The following SDF2L1 variants were observed in gnomAD, a reference collection of about 807,000 sequenced individuals.
SDF2L1 encodes the protein stromal cell-derived factor 2-like protein 1.
A neutral mutation model predicts 19.4 loss-of-function variants in SDF2L1; 18 were observed. That is an observed-to-expected ratio of 0.93 (90% CI 0.64 to 1.38). The LOEUF is 1.38. SDF2L1 is among the 40% of genes most tolerant of loss of function. The pLI, the probability that SDF2L1 is intolerant of heterozygous loss-of-function variation, is 0.00. For synonymous variants in SDF2L1, 161 were observed against 148.9 expected (o/e 1.08, Z -0.59); for missense variants, 263 against 319.4 (o/e 0.82, Z 1.35).
chr22:21,643,493 G>A (rs1159734617), intron 2 of SDF2L1, among the ~76,000 whole-genome samples: 3 of 152,222 alleles, frequency 2.0e-5, no homozygotes, highest in African/African-American at 7.2e-5. Flanking sequence ...GAGGTCATTG[G>A]AATTCAGGGG....
chr22:21,643,871 C>G, intron 2 of SDF2L1, 23 bp from the exon 3 acceptor site: 1 of 1,601,854 alleles, frequency 6.2e-7, no homozygotes, highest in Non-Finnish European at 8.5e-7. Flanking sequence ...TGACCACTGT[C>G]TTCTCATCCT....
Position 21,642,913 on chromosome 22 carries a change from G to C in SDF2L1, c.239G>C (p.Ser80Thr). Residue 80 changes from serine (S) to threonine (T), a missense_variant, in exon 2 of 3, where the codon AGC becomes ACC. By Grantham distance (58) the Ser-to-Thr change is moderately conservative (BLOSUM62 1). Around this residue, in one of 3 missense-constraint regions of SDF2L1, gnomAD observed 203 missense variants for 256.9 expected, o/e 0.79. Transcript: ENST00000248958. The part of the protein sequence containing the change: ...TGVEASDDAN[S>T]YWRIRGGSEG... The stretch of plus-strand genomic sequence containing the variant: ...GTAGAGGCGTCGGACGACGCCAATA[G>C]CTACTGGCGGATCCGCGGCGGCTCG... 1 of 1,591,612 alleles carries C rather than the reference G, an allele frequency of 6.3e-7. No individual in the cohort carries two copies.
At chr22:21,643,449 C>G (rs1280899548) in intron 2 of SDF2L1, among the ~76,000 whole-genome samples, 2 of 152,142 alleles carry the variant, frequency 1.3e-5, no homozygotes, top group South Asian at 4.1e-4. Context: ...AGAGAGACTT[C>G]CCAGGCCAGC....
In SDF2L1 at chr22:21,642,995, G is replaced by C. The variant is rs1323111442; in HGVS notation, c.321G>C (p.Thr107=). 6.4e-7 allele frequency: 1 copy of C among 1,565,846 alleles called. No homozygotes were observed. Among genetic ancestry groups the C allele is most frequent in the African/African-American group, 1.4e-5 (1 of 73,822 alleles). ...PVRCGQAVRL[T]HVLTGKNLHT... ...GCTGCGGGCAGGCGGTGAGGCTCAC[G>C]CATGTGCTTACGGGCAAGAACCTGC... The change falls in exon 2 of 3, where the codon ACG becomes ACC. Residue 107 remains threonine, a synonymous_variant. Coordinates refer to ENST00000248958, the MANE Select transcript of SDF2L1 (RefSeq NM_022044.3).
intron 2 of SDF2L1, 79 bp from the exon 3 acceptor site, chr22:21,643,815 A>G (rs1307178980): frequency 5.0e-5 from 72 of 1,433,132 alleles, no homozygotes; most frequent in Non-Finnish European, 2.8e-5. Context: ...AGGGTAGGGA[A>G]GAACCCGAGG....
At chr22:21,643,180 GT>G in intron 2 of SDF2L1, 122 bp downstream of exon 2, 1 of 1,223,168 alleles carries the variant, frequency 8.2e-7, no homozygotes, top group South Asian at 1.5e-5. Flanking sequence ...TTCAGAGATG[GT>G]TACTGAGCGC....
In SDF2L1 at chr22:21,644,097, G is replaced by A. The variant is rs750880176; in HGVS notation, c.588G>A (p.Thr196=). The A allele has an allele frequency of 1.5e-5, 24 of 1,614,022 alleles. No homozygotes were observed. The highest frequency in any genetic ancestry group is 1.0e-4 in the Admixed American group (6 of 59,996). Residue 196 remains threonine, a synonymous_variant, in exon 3 of 3, where the codon ACG becomes ACA. Coordinates refer to ENST00000248958, the MANE Select transcript of SDF2L1 (RefSeq NM_022044.3). ...TCCACGGCATGCCCAGTGCCAACACGCACAATACGTGGAAGGCCATGGAAG... is the reference window on the plus strand; with the variant it reads ...TCCACGGCATGCCCAGTGCCAACACACACAATACGTGGAAGGCCATGGAAG... The part of the protein sequence containing the change: ...HEVHGMPSAN[T]HNTWKAMEGI...
In SDF2L1 at chr22:21,642,396, G is replaced by A; in HGVS notation, c.60G>A (p.Ala20=). 6.9e-7 allele frequency: 1 copy of A among 1,448,288 alleles called. No homozygotes were observed. The highest frequency in any genetic ancestry group is 9.0e-7 in the Non-Finnish European group (1 of 1,110,702). 89.7% of individuals were successfully genotyped at this position (1,448,288 alleles called of 1,614,324 possible). A position where few individuals can be genotyped will look rare whatever the true frequency, so the allele number is the denominator to read the frequency against. ...CGGTGCTGTTGGGGCTGCTGCTGGC[G>A]CTGTTAGTGCCGGGCGGTGGTGCCG... ...AWPVLLGLLL[A]LLVPGGGAAK... is the part of the protein sequence containing the mutation. Residue 20 remains alanine (A), a synonymous_variant, in exon 1 of 3, where the codon GCG becomes GCA. Coordinates refer to ENST00000248958, the MANE Select transcript of SDF2L1 (RefSeq NM_022044.3).
At position 21,644,105 on chromosome 22, in the gene SDF2L1, C is replaced by T. The variant is rs371328084; in HGVS notation, c.596C>T (p.Thr199Met). Residue 199 changes from threonine (T) to methionine (M), a missense_variant, in exon 3 of 3, where the codon ACG (threonine) becomes ATG (methionine). This residue lies in a region of SDF2L1 where 203 missense variants were observed against 256.9 expected (regional missense o/e 0.79). Coordinates refer to ENST00000248958, the MANE Select transcript of SDF2L1 (RefSeq NM_022044.3). The stretch of plus-strand genomic sequence containing the variant: ...ATGCCCAGTGCCAACACGCACAATA[C>T]GTGGAAGGCCATGGAAGGCATCTTC... ...HGMPSANTHN[T>M]WKAMEGIFIK... The T allele has an allele frequency of 7.4e-6, 12 of 1,614,148 alleles. No homozygotes were observed. The highest frequency in any genetic ancestry group is 1.3e-5 in the African/African-American group (1 of 75,020).
At chr22:21,643,170 T>G (rs2066094655) in intron 2 of SDF2L1, 112 bp downstream of exon 2, 1 of 1,311,344 alleles carries the variant, frequency 7.6e-7, no homozygotes. Context: ...GAAATTTCAC[T>G]TCAGAGATGG....
intron 1 of SDF2L1, 22 bp downstream of exon 1, chr22:21,642,545 G>T: frequency 6.6e-7 from 1 of 1,508,914 alleles, no homozygotes. Flanking sequence ...CAGCGACTGG[G>T]AGAGCGCGGG....
chr22:21,642,952 C>T lies in SDF2L1; in HGVS notation c.278C>T (p.Pro93Leu), dbSNP rs2066092147. 4 of 1,572,296 alleles carry T rather than the reference C, an allele frequency of 2.5e-6. No individual in the cohort carries two copies. Among genetic ancestry groups the T allele is most frequent in the Non-Finnish European group, 3.4e-6 (4 of 1,160,820 alleles). Residue 93 changes from proline to leucine, a missense_variant, in exon 2 of 3, where the codon CCG (proline) becomes CTG (leucine). By Grantham distance (98) the Pro-to-Leu change is moderately conservative (BLOSUM62 -3). This residue lies in a region of SDF2L1 where 203 missense variants were observed against 256.9 expected (regional missense o/e 0.79). Coordinates refer to ENST00000248958, the MANE Select transcript of SDF2L1 (RefSeq NM_022044.3). ...CGCGGCGGCTCGGAGGGCGGGTGCCCGCGCGGGTCCCCGGTGCGCTGCGGG... is the reference window on the plus strand; with the variant it reads ...CGCGGCGGCTCGGAGGGCGGGTGCCTGCGCGGGTCCCCGGTGCGCTGCGGG... The part of the protein sequence containing the change: ...RIRGGSEGGC[P>L]RGSPVRCGQA...
Position 21,642,549 on chromosome 22 carries a change from G to C in SDF2L1, c.187+26G>C, listed in dbSNP as rs751328378. Reference sequence around the variant, plus strand: ...GTGCGTGGGGCCAGCGACTGGGAGAGCGCGGGGAACCGGGGCTCGGGGTTG... The same window carrying C: ...GTGCGTGGGGCCAGCGACTGGGAGACCGCGGGGAACCGGGGCTCGGGGTTG... On this transcript the variant is annotated intron_variant, in intron 1 of 2. Coordinates refer to ENST00000248958, the MANE Select transcript of SDF2L1 (RefSeq NM_022044.3). 85 of 1,507,580 alleles carry C rather than the reference G, an allele frequency of 5.6e-5. No homozygotes were observed. The African/African-American group carries it at 1.1e-3, about 19-fold the overall frequency. 93.4% of individuals were successfully genotyped at this position (1,507,580 alleles called of 1,614,324 possible).
At position 21,643,874 on chromosome 22, in the gene SDF2L1, C is replaced by T; in HGVS notation, c.385-20C>T. 1 of 1,603,260 alleles carries T rather than the reference C, an allele frequency of 6.2e-7. No homozygotes were observed. Among genetic ancestry groups the T allele is most frequent in the East Asian group, 2.2e-5 (1 of 44,484 alleles). On this transcript the variant is annotated intron_variant, in intron 2 of 2. Transcript: ENST00000248958. ...CGCCTTCTGTGGTGACCACTGTCTT[C>T]TCATCCTTTGCACCTATAGGAGGTG...
At chr22:21,642,647 G>C (rs1175664931) in intron 1 of SDF2L1, 124 bp downstream of exon 1, 9 of 1,290,106 alleles carry the variant, frequency 7.0e-6, no homozygotes, top group African/African-American at 3.0e-5. Context: ...CTCTAGAGTC[G>C]TTGGGAGGTC....
At chr22:21,642,632 G>T (rs1026938866) in intron 1 of SDF2L1, 109 bp downstream of exon 1, 1 of 1,358,282 alleles carries the variant, frequency 7.4e-7, no homozygotes, top group South Asian at 1.4e-5. Context: ...GCCGGGCGGC[G>T]GGGGCTCTAG....
intron 2 of SDF2L1, 191 bp downstream of exon 2, chr22:21,643,249 C>G (rs747101819): frequency 3.0e-6 from 2 of 671,326 alleles, no homozygotes; most frequent in Non-Finnish European, 5.0e-6. Flanking sequence ...GCTCCCGGCC[C>G]GGCAGGGAGA....
At chr22:21,643,158 T>TTTCCATTTCA in intron 2 of SDF2L1, 100 bp downstream of exon 2, 1 of 1,396,890 alleles carries the variant, frequency 7.2e-7, no homozygotes, top group Non-Finnish European at 9.7e-7. Context: ...CTTCGTGAAA[T>TTTCCATTTCA]GGAAATTTCA....
At chr22:21,643,256 G>GAGAA in intron 2 of SDF2L1, 198 bp downstream of exon 2, 1 of 647,932 alleles carries the variant, frequency 1.5e-6, no homozygotes, top group Admixed American at 3.0e-5. Context: ...GCCCGGCAGG[G>GAGAA]AGAACGACGG....
Sources: gnomAD v4.1 joint callset for allele counts (sites outside exome capture counted in the v4.1 genomes callset) on GRCh38, gnomAD v4.1.1 for gene constraint, gnomAD v4.1.1 regional missense constraint, MANE v1.5 for transcripts, NCBI Gene and HGNC (gene_info 2026-07-23, HGNC 2026-07-21) for gene names.